The following CCDC171 variants were observed in gnomAD, a reference collection of about 807,000 sequenced individuals.
The protein encoded by CCDC171 is coiled-coil domain containing 171, also known as coiled-coil domain-containing protein 171.
A neutral mutation model predicts 168.2 loss-of-function variants in CCDC171; 177 were observed. That is an observed-to-expected ratio of 1.05 (90% CI 0.93 to 1.19). CCDC171 has a LOEUF of 1.19. CCDC171 is among the 50% of genes most tolerant of loss of function. The pLI is 0.00. For synonymous variants in CCDC171, 687 were observed against 540.8 expected, an observed-to-expected ratio of 1.27 and a Z score of -3.75; for missense variants, 1,991 against 1,539.0, an observed-to-expected ratio of 1.29 and a Z score of -4.91.
chr9:15,792,299 G>A (rs1198778298), intron 21 of CCDC171, among the ~76,000 whole-genome samples: 1 of 152,192 alleles, frequency 6.6e-6, no homozygotes, highest in Non-Finnish European at 1.5e-5. Context: ...AACGAACAAA[G>A]CTTCCAAGAA....
At chr9:15,646,991 A>G (rs888127934) in intron 7 of CCDC171, among the ~76,000 whole-genome samples, 1 of 152,250 alleles carries the variant, frequency 6.6e-6, no homozygotes, top group Non-Finnish European at 1.5e-5. Flanking sequence ...AATTGACCAC[A>G]TAGTTGGAAG....
At chr9:15,910,582 A>G (rs1003325125) in intron 24 of CCDC171, among the ~76,000 whole-genome samples, 2 of 152,034 alleles carry the variant, frequency 1.3e-5, no homozygotes, top group Non-Finnish European at 2.9e-5. Flanking sequence ...GTTCTGGGAT[A>G]CATGTGCAGA....
At chr9:15,692,697 T>TGATGGGCA (rs2050901020) in intron 10 of CCDC171, among the ~76,000 whole-genome samples, 1 of 151,648 alleles carries the variant, frequency 6.6e-6, no homozygotes, top group African/African-American at 2.4e-5. Context: ...CCAGCTAATT[T>TGATGGGCA]TTTGTATATT....
chr9:15,637,789 G>A (rs1488024497), intron 7 of CCDC171, among the ~76,000 whole-genome samples: 2 of 151,918 alleles, frequency 1.3e-5, no homozygotes, highest in African/African-American at 4.8e-5. Flanking sequence ...TCCCTACAAA[G>A]GACATGAACT....
At chr9:16,100,298 C>T in the CCDC171 span, among the ~76,000 whole-genome samples, 79 of 152,286 alleles carry the variant, frequency 5.2e-4, no homozygotes, top group African/African-American at 1.8e-3. Flanking sequence ...AAATCACTCT[C>T]CCCACTCAGA....
At chr9:16,010,952 TATCC>T (rs1441952854) in intron 3 of CCDC171, among the ~76,000 whole-genome samples, 1 of 152,116 alleles carries the variant, frequency 6.6e-6, no homozygotes, top group Admixed American at 6.5e-5. Context: ...CGCTCCTGAG[TATCC>T]ATCTTCCCCT....
the CCDC171 span, among the ~76,000 whole-genome samples, chr9:16,086,036 C>T: frequency 8.7e-6 from 1 of 114,758 alleles, no homozygotes; most frequent in Admixed American, 8.4e-5. Flanking sequence ...TTCACCAGCT[C>T]CTTTTTGTGC....
chr9:16,075,288 C>T, the CCDC171 span, among the ~76,000 whole-genome samples: 2 of 152,104 alleles, frequency 1.3e-5, no homozygotes, highest in Non-Finnish European at 2.9e-5. Flanking sequence ...CTATGGTGTT[C>T]CTGGTGTCAA....
intron 7 of CCDC171, among the ~76,000 whole-genome samples, chr9:15,629,987 T>G (rs1372099749): frequency 2.0e-5 from 3 of 152,198 alleles, no homozygotes; most frequent in Non-Finnish European, 2.9e-5. Flanking sequence ...TGAGAGATTT[T>G]GTCACCACCA....
chr9:15,886,784 A>ACACACACACC (rs111625686), intron 24 of CCDC171: 1 of 151,608 alleles, frequency 6.6e-6, no homozygotes, highest in South Asian at 2.1e-4. Context: ...ACACACACAC[A>ACACACACACC]CCCAGAGGAA....
chr9:15,562,354 C>G (rs770415226), intron 1 of CCDC171, among the ~76,000 whole-genome samples: 3 of 152,038 alleles, frequency 2.0e-5, no homozygotes, highest in Non-Finnish European at 4.4e-5. Context: ...AGATAAAAGT[C>G]TTATATAATG....
intron 7 of CCDC171, among the ~76,000 whole-genome samples, chr9:15,630,583 T>G (rs2045593216): frequency 6.6e-6 from 1 of 152,166 alleles, no homozygotes; most frequent in South Asian, 2.1e-4. Flanking sequence ...AATGGGAGAC[T>G]TTAACACCCC....
intron 3 of CCDC171, among the ~76,000 whole-genome samples, chr9:15,577,790 C>T (rs1179947386): frequency 1.3e-5 from 2 of 152,134 alleles, no homozygotes; most frequent in African/African-American, 4.8e-5. Flanking sequence ...CAAAGCAAGG[C>T]CCATGGAAGG....
chr9:15,558,968 T>C (rs2039043758), intron 1 of CCDC171, among the ~76,000 whole-genome samples: 1 of 152,198 alleles, frequency 6.6e-6, no homozygotes, highest in Admixed American at 6.5e-5. Flanking sequence ...ACATCTTTAT[T>C]TCTGCCTTCA....
At chr9:15,640,173 G>C (rs1282136774) in intron 7 of CCDC171, among the ~76,000 whole-genome samples, 1 of 151,940 alleles carries the variant, frequency 6.6e-6, no homozygotes, top group African/African-American at 2.4e-5. Context: ...TTGTTTAATG[G>C]GATTGAATAT....
intron 8 of CCDC171, among the ~76,000 whole-genome samples, chr9:15,660,126 A>C: frequency 6.6e-6 from 1 of 152,146 alleles, no homozygotes; most frequent in South Asian, 2.1e-4. Context: ...TTTGGTATTA[A>C]AATTTATGTT....
intron 3 of CCDC171, among the ~76,000 whole-genome samples, chr9:15,994,107 TA>T (rs1339229698): frequency 6.6e-6 from 1 of 152,174 alleles, no homozygotes; most frequent in African/African-American, 2.4e-5. Context: ...GAAAGGATTA[TA>T]AAACATGCTC....
chr9:16,095,208 G>A, the CCDC171 span, among the ~76,000 whole-genome samples: 1 of 152,158 alleles, frequency 6.6e-6, no homozygotes, highest in African/African-American at 2.4e-5. Flanking sequence ...GTGCTAATGT[G>A]AAGCTCCCTC....
chr9:15,604,541 G>A (rs764937560), intron 6 of CCDC171, among the ~76,000 whole-genome samples: 1 of 151,940 alleles, frequency 6.6e-6, no homozygotes, highest in Non-Finnish European at 1.5e-5. Context: ...CTTATTCATC[G>A]ACTAAATTTG....
Sources: gnomAD v4.1 joint callset for allele counts (sites outside exome capture counted in the v4.1 genomes callset) on GRCh38, gnomAD v4.1.1 for gene constraint, MANE v1.5 for transcripts, NCBI Gene and HGNC (gene_info 2026-07-23, HGNC 2026-07-21) for gene names.